Variants in SLC22A5 observed in about 807,000 individuals in gnomAD.
SLC22A5 encodes solute carrier family 22 member 5, also known as organic cation/carnitine transporter 2.
SLC22A5 carries 44 observed loss-of-function variants against 56.7 expected under a neutral mutation model. That is an observed-to-expected ratio of 0.78 (90% CI 0.61 to 1.00). The LOEUF (loss-of-function observed/expected upper bound fraction) is 1.00. Ranked by LOEUF, SLC22A5 falls within the 50% of genes least tolerant of loss-of-function variation. The pLI is 0.00. For missense variants in SLC22A5, 675 were observed against 723.0 expected, an observed-to-expected ratio of 0.93 and a Z score of 0.76; for synonymous variants, 278 against 292.1, an observed-to-expected ratio of 0.95 and a Z score of 0.49.
chr5:132,385,989 G>A (rs1189677891), intron 4 of SLC22A5, among the ~76,000 whole-genome samples: 1 of 152,216 alleles, frequency 6.6e-6, no homozygotes, highest in Non-Finnish European at 1.5e-5. Flanking sequence ...CACTGCAGAG[G>A]TGCTAAGGTG....
rs121908886 is a variant in SLC22A5 at position 132,387,044 on chromosome 5, C to G, written c.844C>G (p.Arg282Gly). Residue 282 changes from arginine to glycine, a missense_variant, in exon 5 of 10, where the codon CGA becomes GGA. Transcript: ENST00000245407. Reference protein sequence around the residue: ...ALWWFIPESPRWLISQGRFEE... With the variant: ...ALWWFIPESPGWLISQGRFEE... ...TGCCAGGTTCATCCCTGAGTCCCCC[C>G]GATGGCTCATCTCTCAGGGACGATT... 7 of 1,614,090 alleles carry G rather than the reference C, an allele frequency of 4.3e-6. No individual in the cohort carries two copies. Among genetic ancestry groups the G allele is most frequent in the Non-Finnish European group, 5.9e-6 (7 of 1,179,972 alleles).
intron 3 of SLC22A5, 83 bp downstream of exon 3, chr5:132,384,384 A>T: frequency 7.3e-7 from 1 of 1,366,572 alleles, no homozygotes; most frequent in Non-Finnish European, 1.0e-6. Flanking sequence ...GACAACTGTG[A>T]TGTCCCTCAA....
At chr5:132,373,554 T>C (rs1436816562) in intron 1 of SLC22A5, among the ~76,000 whole-genome samples, 2 of 152,018 alleles carry the variant, frequency 1.3e-5, no homozygotes. Flanking sequence ...GAGAATCGCT[T>C]GAACCCAGGA....
chr5:132,393,445 A>G (rs1366481070), intron 8 of SLC22A5, among the ~76,000 whole-genome samples: 1 of 151,580 alleles, frequency 6.6e-6, no homozygotes, highest in East Asian at 1.9e-4. Flanking sequence ...GCCCCTTTGT[A>G]CTCCTCCCCT....
intron 1 of SLC22A5, among the ~76,000 whole-genome samples, chr5:132,372,694 G>A (rs1339587734): frequency 6.6e-6 from 1 of 152,210 alleles, no homozygotes; most frequent in African/African-American, 2.4e-5. Flanking sequence ...TTAATGCTTA[G>A]ATCTTTGTTT....
intron 1 of SLC22A5, among the ~76,000 whole-genome samples, chr5:132,371,602 T>TA (rs1411500718): frequency 6.6e-6 from 1 of 152,138 alleles, no homozygotes; most frequent in Non-Finnish European, 1.5e-5. Flanking sequence ...AGCCAGTGAA[T>TA]AGCCCTCATT....
chr5:132,371,802 G>T (rs996843521), intron 1 of SLC22A5, among the ~76,000 whole-genome samples: 1 of 152,056 alleles, frequency 6.6e-6, no homozygotes, highest in Admixed American at 6.6e-5. Context: ...TTCATAGAGA[G>T]GGAGAGTGCC....
intron 2 of SLC22A5, chr5:132,382,693 T>A (rs1752392263): frequency 1.3e-5 from 2 of 152,256 alleles, no homozygotes. Context: ...TTAACCTGCA[T>A]GCCGATCCTT....
rs1752843535 is a variant in SLC22A5 at position 132,395,473 on chromosome 5, CTT to C, written c.*1203_*1204del. ...TTTGTGTTCAGTGTAATTGTCTTCTCTTTGCTGATTATGTTACCATGGTACTC... is the reference window on the plus strand; with the variant it reads ...TTTGTGTTCAGTGTAATTGTCTTCTCTGCTGATTATGTTACCATGGTACTC... On this transcript the variant is annotated 3_prime_UTR_variant, in exon 10 of 10. Coordinates refer to ENST00000245407, the MANE Select transcript of SLC22A5 (RefSeq NM_003060.4). The C allele has an allele frequency of 6.5e-6, 1 of 152,772 alleles. No homozygotes were observed. Among genetic ancestry groups the C allele is most frequent in the African/African-American group, 2.4e-5 (1 of 41,456 alleles). 9.5% of individuals were successfully genotyped at this position (152,772 alleles called of 1,614,324 possible). A position where few individuals can be genotyped will look rare whatever the true frequency, so the allele number is the denominator to read the frequency against.
chr5:132,371,649 C>T (rs532581512), intron 1 of SLC22A5, among the ~76,000 whole-genome samples: 5 of 152,230 alleles, frequency 3.3e-5, no homozygotes, highest in Admixed American at 3.3e-4. Flanking sequence ...ATGACCAATT[C>T]GCAGGTTAGA....
intron 1 of SLC22A5, among the ~76,000 whole-genome samples, chr5:132,373,376 C>T (rs1752010162): frequency 6.6e-6 from 1 of 152,206 alleles, no homozygotes. Context: ...GTGGCTCACG[C>T]CTGTAATCCC....
intron 9 of SLC22A5, 46 bp from the exon 10 acceptor site, chr5:132,394,139 A>C: frequency 8.0e-7 from 1 of 1,244,630 alleles, no homozygotes; most frequent in Non-Finnish European, 1.2e-6. Context: ...ACTGGGAGGC[A>C]TCTTTTTAAA....
chr5:132,373,033 C>T (rs535298057), intron 1 of SLC22A5, among the ~76,000 whole-genome samples: 1 of 152,196 alleles, frequency 6.6e-6, no homozygotes, highest in South Asian at 2.1e-4. Flanking sequence ...CATGTAGTAC[C>T]AAACTTTGTG....
chr5:132,390,547 G>T (rs1227314593), intron 6 of SLC22A5, 143 bp from the exon 7 acceptor site: 5 of 733,246 alleles, frequency 6.8e-6, no homozygotes, highest in Non-Finnish European at 1.2e-5. Flanking sequence ...GAAGTAAGAC[G>T]CAGGGTTACA....
In SLC22A5 at chr5:132,395,048, T is replaced by C. The variant is rs1240944269; in HGVS notation, c.*776T>C. The C allele has an allele frequency of 6.6e-6, 1 of 152,336 alleles. No homozygotes were observed. Among genetic ancestry groups the C allele is most frequent in the African/African-American group, 2.4e-5 (1 of 41,440 alleles). 9.4% of individuals were successfully genotyped at this position (152,336 alleles called of 1,614,324 possible). A position where few individuals can be genotyped will look rare whatever the true frequency, so the allele number is the denominator to read the frequency against. ...CGTCTTATGTATGGTTTAAAGGAAA[T>C]TTATCAGGTGAGAGAGATGAGCAAC... is the stretch of plus-strand genomic sequence containing the variant. On this transcript the variant is annotated 3_prime_UTR_variant, in exon 10 of 10. Transcript: ENST00000245407.
At chr5:132,388,369 T>C (rs907106460) in intron 5 of SLC22A5, among the ~76,000 whole-genome samples, 1 of 152,232 alleles carries the variant, frequency 6.6e-6, no homozygotes, top group Non-Finnish European at 1.5e-5. Context: ...GGTTTATTAA[T>C]GGCCTTGGCT....
chr5:132,384,734 G>A (rs1019257818), intron 3 of SLC22A5, among the ~76,000 whole-genome samples: 7 of 152,244 alleles, frequency 4.6e-5, no homozygotes, highest in Admixed American at 2.6e-4. Flanking sequence ...GCAGAGCACT[G>A]TGGCTGGTGA....
chr5:132,389,449 G>A (rs1282189232), intron 6 of SLC22A5: 3 of 312,074 alleles, frequency 9.6e-6, no homozygotes, highest in Non-Finnish European at 1.2e-5. Context: ...GAAGTGGGAT[G>A]TGCTCCTCCT....
chr5:132,385,307 G>C (rs766553002), intron 3 of SLC22A5, 21 bp from the exon 4 acceptor site: 45 of 1,610,926 alleles, frequency 2.8e-5, no homozygotes, highest in African/African-American at 5.3e-5. Context: ...CTGCTAACTC[G>C]ACCTCCCTTG....
Sources: gnomAD v4.1 joint callset for allele counts (sites outside exome capture counted in the v4.1 genomes callset) on GRCh38, gnomAD v4.1.1 for gene constraint, MANE v1.5 for transcripts, NCBI Gene and HGNC (gene_info 2026-07-23, HGNC 2026-07-21) for gene names.